Variants in CHN2 observed in about 807,000 individuals in gnomAD.
CHN2 encodes the protein chimerin 2.
In CHN2, 35 loss-of-function variants were observed where a neutral mutation model predicts 56.3. The ratio of observed to expected loss-of-function variants is 0.62; its 90% confidence interval spans 0.47 to 0.82. The LOEUF (loss-of-function observed/expected upper bound fraction) is 0.82. CHN2 is among the 40% of genes least tolerant of loss of function. The pLI, the probability that CHN2 is intolerant of heterozygous loss-of-function variation, is 0.00. For synonymous variants in CHN2, 210 were observed against 212.8 expected, an observed-to-expected ratio of 0.99 and a Z score of 0.12; for missense variants, 491 against 580.5, an observed-to-expected ratio of 0.85 and a Z score of 1.58.
intron 1 of CHN2, among the ~76,000 whole-genome samples, chr7:29,215,086 A>G (rs1785235529): frequency 6.6e-6 from 1 of 152,210 alleles, no homozygotes; most frequent in Non-Finnish European, 1.5e-5. Context: ...CATGAACTTC[A>G]CTGTAAAGGA....
chr7:29,378,963 C>T (rs1443853793), intron 3 of CHN2, among the ~76,000 whole-genome samples: 1 of 152,010 alleles, frequency 6.6e-6, no homozygotes, highest in Admixed American at 6.6e-5. Context: ...GACTCCGTCT[C>T]GAAAGAAAGA....
chr7:29,349,668 C>T (rs994754724), intron 1 of CHN2, among the ~76,000 whole-genome samples: 1 of 152,164 alleles, frequency 6.6e-6, no homozygotes, highest in Non-Finnish European at 1.5e-5. Flanking sequence ...ATTGCTGAGT[C>T]AAAAGGTTGA....
chr7:29,215,656 T>A (rs986818734), intron 1 of CHN2, among the ~76,000 whole-genome samples: 5 of 152,034 alleles, frequency 3.3e-5, no homozygotes, highest in African/African-American at 1.2e-4. Context: ...GGCAAGGATT[T>A]GCTTCTGCTT....
intron 6 of CHN2, among the ~76,000 whole-genome samples, chr7:29,454,941 A>C (rs1454089445): frequency 6.6e-6 from 1 of 151,162 alleles, no homozygotes; most frequent in Non-Finnish European, 1.5e-5. Context: ...TATATTGTAA[A>C]CAACCCCTTA....
At position 29,429,602 on chromosome 7, in the gene CHN2, CTTCAAGGTTCAGTTCCCTGGAATATGTG is replaced by C. The variant is rs544376877; in HGVS notation, c.576+28797_576+28824del. 1.2e-3 allele frequency among the ~76,000 whole-genome samples: 181 copies of C among 152,196 alleles called. 1 individual carries two copies. Among genetic ancestry groups the C allele is most frequent in the South Asian group, 7.1e-3 (34 of 4,818 alleles). On this transcript the variant is annotated intron_variant, in intron 6 of 12. Transcript: ENST00000222792. ...ACACAGACACACACACACACCCATA[CTTCAAGGTTCAGTTCCCTGGAATATGTG>C]TTCAAGGTTCAGTTCCCTGGAAAAT...
At chr7:29,442,705 C>T (rs1201515028) in intron 6 of CHN2, among the ~76,000 whole-genome samples, 2 of 152,070 alleles carry the variant, frequency 1.3e-5, no homozygotes, top group African/African-American at 4.8e-5. Context: ...TATATTGTGT[C>T]TGTGTTCTCA....
Position 29,407,347 on chromosome 7 carries a change from G to A in CHN2, c.576+6519G>A, listed in dbSNP as rs556872451. Among the ~76,000 whole-genome samples the A allele has an allele frequency of 6.1e-4, 93 of 151,964 alleles. 1 individual carries two copies. In the South Asian group the frequency reaches 0.018, roughly 30 times the overall value. ...TGTGGAGGGGGTCTTGGTCCTAGGGGGTGGAGAGGCTTGGTGACTTCATTC... is the reference window on the plus strand; with the variant it reads ...TGTGGAGGGGGTCTTGGTCCTAGGGAGTGGAGAGGCTTGGTGACTTCATTC... On this transcript the variant is annotated intron_variant, in intron 6 of 12. Coordinates refer to ENST00000222792, the MANE Select transcript of CHN2 (RefSeq NM_004067.4).
chr7:29,176,065 A>G (rs1797284794), intron 2 of CHN2, among the ~76,000 whole-genome samples: 2 of 152,132 alleles, frequency 1.3e-5, no homozygotes, highest in East Asian at 3.9e-4. Context: ...GGGCGCCTGT[A>G]GTCCCAGCTA....
At chr7:29,336,899 A>G (rs995063257) in intron 1 of CHN2, among the ~76,000 whole-genome samples, 1 of 151,306 alleles carries the variant, frequency 6.6e-6, no homozygotes, top group African/African-American at 2.4e-5. Flanking sequence ...GCAAACTCCT[A>G]CTCATCCGTC....
At position 29,228,145 on chromosome 7, in the gene CHN2, A is replaced by AATAT. The variant is rs139728472; in HGVS notation, c.49+33167_49+33170dup. ...TTAAAAAAAAACCTGTACACACACTAATATATATATATATACACACACACA... is the reference window on the plus strand; with the variant it reads ...TTAAAAAAAAACCTGTACACACACTAATATATATATATATATATACACACACACA... On this transcript the variant is annotated intron_variant, in intron 1 of 12. Transcript: ENST00000222792. Among the ~76,000 whole-genome samples the AATAT allele has an allele frequency of 8.5e-4, 126 of 148,576 alleles. 1 individual carries two copies. Among genetic ancestry groups the AATAT allele is most frequent in the African/African-American group, 2.7e-3 (110 of 40,312 alleles).
intron 1 of CHN2, among the ~76,000 whole-genome samples, chr7:29,330,936 T>C (rs1422081950): frequency 6.6e-6 from 1 of 152,194 alleles, no homozygotes; most frequent in African/African-American, 2.4e-5. Flanking sequence ...ACTCTAAATT[T>C]AACCCATTTA....
At position 29,367,984 on chromosome 7, in the gene CHN2, G is replaced by A. The variant is rs1427056400; in HGVS notation, c.141G>A (p.Arg47=). The A allele has an allele frequency of 6.2e-7, 1 of 1,610,016 alleles. No individual in the cohort carries two copies. Among genetic ancestry groups the A allele is most frequent in the Non-Finnish European group, 8.5e-7 (1 of 1,178,354 alleles). Residue 47 remains arginine (R), a synonymous_variant, in exon 3 of 13, where the codon CGG becomes CGA. Coordinates refer to ENST00000222792, the MANE Select transcript of CHN2 (RefSeq NM_004067.4). ...GTCCCAAGAGAATCATTTGTCCTCGGGAGGTCAGTGCTCAGCTATTTCCAA... is the reference window on the plus strand; with the variant it reads ...GTCCCAAGAGAATCATTTGTCCTCGAGAGGTCAGTGCTCAGCTATTTCCAA... The part of the protein sequence containing the change: ...APRPKRIICP[R]EVENRPKYYG...
Position 29,146,922 on chromosome 7 carries a change from AC to A in CHN2, c.237del (p.His79GlnfsTer100), listed in dbSNP as rs1432998168. The A allele has an allele frequency of 1.9e-6, 3 of 1,551,204 alleles. No individual in the cohort carries two copies. The highest frequency in any genetic ancestry group is 2.6e-6 in the Non-Finnish European group (3 of 1,147,140). On this transcript the variant is annotated frameshift_variant, in exon 2 of 7. Transcript: ENST00000439384. LOFTEE classifies it high-confidence loss of function. ...GATTCCCACTGTTTAAAAAGGCAAC[AC>A]ACGTTCGCTGATGGTCTACATTCCA... is the stretch of plus-strand genomic sequence containing the variant.
chr7:29,447,181 A>G (rs1363580971), intron 6 of CHN2, among the ~76,000 whole-genome samples: 1 of 152,152 alleles, frequency 6.6e-6, no homozygotes, highest in East Asian at 1.9e-4. Flanking sequence ...GAGATGCTAC[A>G]ATGAGCAGAC....
intron 1 of CHN2, among the ~76,000 whole-genome samples, chr7:29,246,541 T>C (rs1041649445): frequency 1.3e-5 from 2 of 152,116 alleles, no homozygotes; most frequent in Non-Finnish European, 1.5e-5. Flanking sequence ...ACAGGGGCCA[T>C]TGAGCACCTG....
At chr7:29,511,398 T>C (rs1385234304) in intron 12 of CHN2, among the ~76,000 whole-genome samples, 2 of 152,218 alleles carry the variant, frequency 1.3e-5, no homozygotes, top group African/African-American at 4.8e-5. Context: ...GTTGTTACAG[T>C]TTGGAAGGCA....
At chr7:29,392,771 A>T (rs1801464251) in intron 3 of CHN2, among the ~76,000 whole-genome samples, 1 of 152,174 alleles carries the variant, frequency 6.6e-6, no homozygotes, top group African/African-American at 2.4e-5. Flanking sequence ...AAAACTGTCC[A>T]TTTGACTCTA....
At position 29,470,636 on chromosome 7, in the gene CHN2, A is replaced by G. The variant is rs140811525; in HGVS notation, c.577-9643A>G. Among the ~76,000 whole-genome samples, 12 of 152,310 alleles carry G rather than the reference A, an allele frequency of 7.9e-5. No individual in the cohort carries two copies. In the East Asian group the frequency reaches 2.1e-3, roughly 27 times the overall value. ...CCTGGTAAAGGAGTAGCTGGAGGCT[A>G]TGTTTGGTACATTCTGTAGTGCTGC... On this transcript the variant is annotated intron_variant, in intron 6 of 12. Transcript: ENST00000222792.
intron 6 of CHN2, among the ~76,000 whole-genome samples, chr7:29,410,465 A>G (rs1194256489): frequency 5.3e-5 from 8 of 152,030 alleles, no homozygotes; most frequent in Non-Finnish European, 8.8e-5. Context: ...TTAATTAAAT[A>G]GGTTTGAGGT....
Sources: gnomAD v4.1 joint callset for allele counts (sites outside exome capture counted in the v4.1 genomes callset) on GRCh38, gnomAD v4.1.1 for gene constraint, MANE v1.5 for transcripts, NCBI Gene and HGNC (gene_info 2026-07-23, HGNC 2026-07-21) for gene names.